Variants in ADH1C observed in about 807,000 individuals in gnomAD.
ADH1C encodes the protein alcohol dehydrogenase 1C (class I), gamma polypeptide.
A neutral mutation model predicts 35.0 loss-of-function variants in ADH1C; 26 were observed. That is an observed-to-expected ratio of 0.74 (90% CI 0.54 to 1.03). The LOEUF (loss-of-function observed/expected upper bound fraction) is 1.03. Among genes scored for constraint, ADH1C ranks in the 50% least tolerant of loss-of-function variants. ADH1C has a pLI of 0.00. For synonymous variants in ADH1C, 170 were observed against 169.3 expected (o/e 1.00, Z -0.03); for missense variants, 413 against 465.4 (o/e 0.89, Z 1.04).
chr4:99,343,242 G>A (rs283410), intron 5 of ADH1C, among the ~76,000 whole-genome samples, 187 bp from the exon 6 acceptor site: 2,235 of 152,290 alleles, frequency 0.015, 27 homozygotes, highest in Non-Finnish European at 0.018. Flanking sequence ...TAGTTGAGTA[G>A]TTCTGAAACT....
chr4:99,344,874 G>C lies in ADH1C; in HGVS notation c.555C>G (p.Val185=). 1 of 1,614,120 alleles carries C rather than the reference G, an allele frequency of 6.2e-7. No homozygotes were observed. The highest frequency in any genetic ancestry group is 8.5e-7 in the Non-Finnish European group (1 of 1,180,026). The change falls in exon 5 of 9, where the codon GTC becomes GTG. Residue 185 remains valine, a synonymous_variant. Transcript: ENST00000515683. ...CGFSTGYGSA[V]KVAKVTPGST... is the part of the protein sequence containing the mutation. ...TTGTCATTTCTACCTTGGCAACTTT[G>C]ACTGCAGACCCATAACCAGTCGAAA...
Position 99,338,393 on chromosome 4 carries a change from T to TTATATATATATATATATATATA in ADH1C, c.1103+1183_1103+1184insTATATATATATATATATATATA, listed in dbSNP as rs1334509876. ...TAATTAACCTTTGATGAATACTGTTTTCTATATATATATATATATATATAT... is the reference window on the plus strand; with the variant it reads ...TAATTAACCTTTGATGAATACTGTTTTATATATATATATATATATATATCTATATATATATATATATATATAT... On this transcript the variant is annotated intron_variant, in intron 8 of 8. Transcript: ENST00000515683. Among the ~76,000 whole-genome samples, 2 of 73,098 alleles carry TTATATATATATATATATATATA rather than the reference T, an allele frequency of 2.7e-5. 1 individual carries two copies. The highest frequency in any genetic ancestry group is 1.1e-4 in the African/African-American group (2 of 18,330). 48.0% of individuals were successfully genotyped at this position (73,098 alleles called of 152,430 possible).
intron 1 of ADH1C, among the ~76,000 whole-genome samples, chr4:99,348,053 T>C (rs568601138): frequency 6.6e-6 from 1 of 152,318 alleles, no homozygotes; most frequent in Admixed American, 6.5e-5. Flanking sequence ...CAGAGTTAAG[T>C]ACAATAAGGC....
Position 99,336,774 on chromosome 4 carries a change from A to T in ADH1C, c.1106T>A (p.Ile369Asn), listed in dbSNP as rs1734287476. The change falls in exon 9 of 9, where the codon ATC (isoleucine) becomes AAC (asparagine). Residue 369 changes from isoleucine to asparagine, a missense_variant and splice_region_variant. Transcript: ENST00000515683. ...GFDLLRSGKS[I>N]RTVLTF is the part of the protein sequence containing the mutation. The stretch of plus-strand genomic sequence containing the variant: ...GTTTCAAAACGTCAGGACGGTACGG[A>T]TACTGCAATAGGAAAGAAGAGACAT... The T allele has an allele frequency of 6.2e-7, 1 of 1,613,586 alleles. No individual in the cohort carries two copies. Among genetic ancestry groups the T allele is most frequent in the Non-Finnish European group, 8.5e-7 (1 of 1,179,732 alleles).
chr4:99,350,860 G>T (rs576137372), intron 1 of ADH1C, among the ~76,000 whole-genome samples: 1 of 152,172 alleles, frequency 6.6e-6, no homozygotes, highest in African/African-American at 2.4e-5. Flanking sequence ...AGATCAGGCC[G>T]GGTGCAGTTG....
intron 8 of ADH1C, among the ~76,000 whole-genome samples, chr4:99,338,869 GT>G (rs2110652838): frequency 6.6e-6 from 1 of 151,842 alleles, no homozygotes; most frequent in East Asian, 1.9e-4. Flanking sequence ...CCTATTTCCA[GT>G]TATGTCTCAT....
chr4:99,347,671 T>C, intron 2 of ADH1C, 74 bp downstream of exon 2: 1 of 1,363,988 alleles, frequency 7.3e-7, no homozygotes, highest in East Asian at 2.5e-5. Flanking sequence ...TAGTGGATTT[T>C]GGATGTTTCT....
chr4:99,345,671 A>G (rs1734515507), intron 3 of ADH1C, among the ~76,000 whole-genome samples: 1 of 152,232 alleles, frequency 6.6e-6, no homozygotes, highest in African/African-American at 2.4e-5. Context: ...TTTTAGTCCT[A>G]GTAGATGTTG....
chr4:99,339,854 T>C, intron 7 of ADH1C, 139 bp from the exon 8 acceptor site: 1 of 780,638 alleles, frequency 1.3e-6, no homozygotes, highest in Non-Finnish European at 2.0e-6. Context: ...AGAGATAGAG[T>C]ACTTCAATAT....
chr4:99,336,836 G>C lies in ADH1C; in HGVS notation c.1104-60C>G, dbSNP rs1734288738. The C allele has an allele frequency of 1.9e-6, 3 of 1,607,474 alleles. No individual in the cohort carries two copies. In the East Asian group the frequency reaches 6.7e-5, roughly 36 times the overall value. ...TTAGACAACCCACATGCTTCCATGT[G>C]ATAGTCCAAGGAGTATTTGAGGTGA... On this transcript the variant is annotated intron_variant, in intron 8 of 8. Coordinates refer to ENST00000515683, the MANE Select transcript of ADH1C (RefSeq NM_000669.5).
At chr4:99,342,459 A>G (rs1734438024) in intron 6 of ADH1C, among the ~76,000 whole-genome samples, 1 of 152,202 alleles carries the variant, frequency 6.6e-6, no homozygotes, top group African/African-American at 2.4e-5. Flanking sequence ...GAAAAATAAA[A>G]CTTTTTAATT....
At chr4:99,341,906 G>A (rs562811645) in intron 6 of ADH1C, among the ~76,000 whole-genome samples, 14 of 151,914 alleles carry the variant, frequency 9.2e-5, no homozygotes, top group African/African-American at 2.4e-4. Flanking sequence ...CAGCACTTTC[G>A]GAGGCTGAGG....
intron 7 of ADH1C, 51 bp downstream of exon 7, chr4:99,340,524 A>T (rs1734387596): frequency 1.9e-6 from 3 of 1,601,962 alleles, no homozygotes; most frequent in Non-Finnish European, 2.6e-6. Flanking sequence ...TCATAAAAGG[A>T]GAGAAATTCT....
Position 99,336,578 on chromosome 4 carries a change from A to C in ADH1C, c.*174T>G. The stretch of plus-strand genomic sequence containing the variant: ...TTTAGTTCTCATTTGGATTTTAAAC[A>C]TTTGCTTGACAAATAATTTCCCATC... On this transcript the variant is annotated 3_prime_UTR_variant, in exon 9 of 9. Coordinates refer to ENST00000515683, the MANE Select transcript of ADH1C (RefSeq NM_000669.5). 1.2e-6 allele frequency: 1 copy of C among 829,446 alleles called. No individual in the cohort carries two copies. Among genetic ancestry groups the C allele is most frequent in the South Asian group, 1.7e-5 (1 of 58,924 alleles). The allele number at this position is 829,446 out of a possible 1,614,324, so 51.4% of individuals were successfully genotyped here.
At chr4:99,348,810 A>G (rs1734604794) in intron 1 of ADH1C, among the ~76,000 whole-genome samples, 1 of 152,124 alleles carries the variant, frequency 6.6e-6, no homozygotes, top group Non-Finnish European at 1.5e-5. Context: ...CTTTTTAATG[A>G]CTGCCATTCT....
chr4:99,336,568 G>A lies in ADH1C; in HGVS notation c.*184C>T, dbSNP rs566227161. 2.6e-6 allele frequency: 2 copies of A among 765,492 alleles called. No individual in the cohort carries two copies. The highest frequency in any genetic ancestry group is 3.5e-5 in the African/African-American group (2 of 56,360). 47.4% of individuals were successfully genotyped at this position (765,492 alleles called of 1,614,324 possible). ...CAACACTTTATTTAGTTCTCATTTG[G>A]ATTTTAAACATTTGCTTGACAAATA... On this transcript the variant is annotated 3_prime_UTR_variant, in exon 9 of 9. Coordinates refer to ENST00000515683, the MANE Select transcript of ADH1C (RefSeq NM_000669.5).
At chr4:99,349,453 A>G (rs190812053) in intron 1 of ADH1C, among the ~76,000 whole-genome samples, 1 of 152,140 alleles carries the variant, frequency 6.6e-6, no homozygotes, top group South Asian at 2.1e-4. Context: ...GTTTACCCAC[A>G]ACTATTGGCT....
At chr4:99,341,821 C>T (rs1274855184) in intron 6 of ADH1C, among the ~76,000 whole-genome samples, 1 of 152,014 alleles carries the variant, frequency 6.6e-6, no homozygotes, top group Non-Finnish European at 1.5e-5. Context: ...ATGACATAAG[C>T]ACTGCAAGAT....
In ADH1C at chr4:99,340,793, T is replaced by TA. The variant is rs1734397745; in HGVS notation, c.829-84dup. ...AATGCACAATATCATGTAATAGGCT[T>TA]AGCTGGATTGTGAGTGTGTAGAGGG... On this transcript the variant is annotated intron_variant, in intron 6 of 8. Transcript: ENST00000515683. The TA allele has an allele frequency of 1.8e-5, 28 of 1,579,122 alleles. No homozygotes were observed. In the Admixed American group the frequency reaches 4.4e-4, roughly 25 times the overall value.
Sources: gnomAD v4.1 joint callset for allele counts (sites outside exome capture counted in the v4.1 genomes callset) on GRCh38, gnomAD v4.1.1 for gene constraint, MANE v1.5 for transcripts, NCBI Gene and HGNC (gene_info 2026-07-23, HGNC 2026-07-21) for gene names.